Variants in CDK3 observed in about 807,000 individuals in gnomAD.
CDK3 encodes cyclin dependent kinase 3.
CDK3 carries 24 observed loss-of-function variants against 30.2 expected under a neutral mutation model. The ratio of observed to expected loss-of-function variants is 0.79; its 90% CI spans 0.57 to 1.12. The LOEUF (loss-of-function observed/expected upper bound fraction) is 1.12, where lower values mean the gene tolerates loss of function less well. Among genes scored for constraint, CDK3 ranks in the 50% most tolerant of loss-of-function variants. The probability of loss-of-function intolerance (pLI) is 0.00; values close to 1 mark genes in which losing one functional copy is unlikely to be tolerated. For missense variants in CDK3, 345 were observed against 376.0 expected, an observed-to-expected ratio of 0.92 and a Z score of 0.68; for synonymous variants, 158 against 154.2, an observed-to-expected ratio of 1.02 and a Z score of -0.18.
chr17:76,003,396 A>G lies in CDK3; in HGVS notation c.790A>G (p.Met264Val), dbSNP rs1567902526. The G allele has an allele frequency of 3.7e-6, 6 of 1,612,070 alleles. No individual in the cohort carries two copies. Among genetic ancestry groups the G allele is most frequent in the Non-Finnish European group, 5.1e-6 (6 of 1,179,090 alleles). Residue 264 changes from methionine (M) to valine (V), a missense_variant and splice_region_variant, in exon 7 of 8, where the codon ATG becomes GTG. Met to Val is a conservative substitution (Grantham distance 21). Transcript: ENST00000448471. ...GGAGCCAGAGGGCAGGGACCTGCTC[A>G]TGGTAGGTGCATGTGGGCTCCAGCT... ...NLEPEGRDLLMQLLQYDPSQR... is the reference protein window; with the variant it reads ...NLEPEGRDLLVQLLQYDPSQR...
rs1210671984 is a variant in CDK3, at chr17:76,005,371, C to T, written c.866C>T (p.Pro289Leu). 3.1e-6 allele frequency: 5 copies of T among 1,614,178 alleles called. No individual in the cohort carries two copies. The highest frequency in any genetic ancestry group is 4.2e-6 in the Non-Finnish European group (5 of 1,180,008). The change falls in exon 8 of 8, where the codon CCT becomes CTT. Residue 289 changes from proline (P) to leucine (L), a missense_variant. Transcript: ENST00000448471. The surrounding 1 kb of genome is among the most constrained non-coding windows in gnomAD (Gnocchi z 4.7). ...CTGGCCCACCCGTACTTCTCATCCCCTGAGCCCTCCCCAGCTGCCCGCCAG... is the reference window on the plus strand; with the variant it reads ...CTGGCCCACCCGTACTTCTCATCCCTTGAGCCCTCCCCAGCTGCCCGCCAG... ...TALAHPYFSS[P>L]EPSPAARQYV...
In CDK3 at chr17:76,002,300, T is replaced by G; in HGVS notation, c.368T>G (p.Val123Gly). Residue 123 changes from valine to glycine, a missense_variant, in exon 5 of 8, where the codon GTC (valine) becomes GGC (glycine). Physicochemically the swap from Val to Gly is moderately radical, Grantham distance 109. Transcript: ENST00000448471. This position sits in a 1 kb window ranked among gnomAD's most constrained non-coding sequence, Gnocchi z 4.3. The part of the protein sequence containing the change: ...QGVSFCHSHR[V>G]IHRDLKPQNL... Reference sequence around the variant, plus strand: ...GTGAGTTTCTGCCACTCACATCGGGTCATCCACCGAGACCTGAAGCCCCAG... The same window carrying G: ...GTGAGTTTCTGCCACTCACATCGGGGCATCCACCGAGACCTGAAGCCCCAG... 1 of 1,608,762 alleles carries G rather than the reference T, an allele frequency of 6.2e-7. No individual in the cohort carries two copies. The highest frequency in any genetic ancestry group is 8.5e-7 in the Non-Finnish European group (1 of 1,178,826).
chr17:76,001,787 G>A lies in CDK3; in HGVS notation c.117-87G>A. The A allele has an allele frequency of 7.8e-7, 1 of 1,278,698 alleles. No individual in the cohort carries two copies. Among genetic ancestry groups the A allele is most frequent in the East Asian group, 2.5e-5 (1 of 39,952 alleles). 79.2% of individuals were successfully genotyped at this position (1,278,698 alleles called of 1,614,324 possible). ...ATTGCCGGGGCCCTGGTCATTCTGT[G>A]GGGTTAAGGAGAAGCCGATCCCCCT... On this transcript the variant is annotated intron_variant, in intron 2 of 7. Coordinates refer to ENST00000448471, the MANE Select transcript of CDK3 (RefSeq NM_001258.4). This position sits in a 1 kb window ranked among gnomAD's most constrained non-coding sequence, Gnocchi z 6.2.
chr17:76,005,264 C>T lies in CDK3; in HGVS notation c.793-34C>T, dbSNP rs1173623961. The T allele has an allele frequency of 6.2e-7, 1 of 1,609,286 alleles. No homozygotes were observed. Among genetic ancestry groups the T allele is most frequent in the Non-Finnish European group, 8.5e-7 (1 of 1,177,126 alleles). ...AATTTCTCACCCCACCCTGGCTGCACCCAGACCACATCTTCTTCCTTCTTT... is the reference window on the plus strand; with the variant it reads ...AATTTCTCACCCCACCCTGGCTGCATCCAGACCACATCTTCTTCCTTCTTT... On this transcript the variant is annotated intron_variant, in intron 7 of 7. Transcript: ENST00000448471. The surrounding 1 kb of genome is among the most constrained non-coding windows in gnomAD (Gnocchi z 4.7).
At chr17:76,003,430 GACT>G in intron 7 of CDK3, 32 bp downstream of exon 7, 2 of 1,574,332 alleles carry the variant, frequency 1.3e-6, no homozygotes, top group Non-Finnish European at 1.7e-6. Context: ...CTGCTGCTCC[GACT>G]ACAGTTTCCC....
chr17:76,003,011 A>AC, intron 6 of CDK3, 184 bp from the exon 7 acceptor site: 1 of 651,176 alleles, frequency 1.5e-6, no homozygotes. Context: ...TTTTAAAAAA[A>AC]GGTGTTTGGT....
Position 76,003,093 on chromosome 17 carries a change from G to A in CDK3, c.589-102G>A, listed in dbSNP as rs2066276484. 3.3e-6 allele frequency: 3 copies of A among 910,592 alleles called. No individual in the cohort carries two copies. In the East Asian group the frequency reaches 7.2e-5, roughly 22 times the overall value. The allele number at this position is 910,592 out of a possible 1,614,324, so 56.4% of individuals were successfully genotyped here. A position where few individuals can be genotyped will look rare whatever the true frequency, so the allele number is the denominator to read the frequency against. ...GAATTCTTTGCACAGTCATGGAAAA[G>A]ATATCTTGACAGGCCTCTCCCTGGG... On this transcript the variant is annotated intron_variant, in intron 6 of 7. Coordinates refer to ENST00000448471, the MANE Select transcript of CDK3 (RefSeq NM_001258.4).
chr17:76,001,521 G>A lies in CDK3; in HGVS notation c.96G>A (p.Leu32=), dbSNP rs770899084. 1.2e-6 allele frequency: 2 copies of A among 1,613,248 alleles called. No homozygotes were observed. Among genetic ancestry groups the A allele is most frequent in the Non-Finnish European group, 1.7e-6 (2 of 1,179,894 alleles). ...KNRETGQLVA[L]KKIRLDLEME... is the part of the protein sequence containing the mutation. ...GGGAGACAGGGCAGCTGGTGGCCCT[G>A]AAGAAGATCAGACTGGATTTGTGAG... Residue 32 remains leucine (L), a synonymous_variant, in exon 2 of 8, where the codon CTG becomes CTA. Coordinates refer to ENST00000448471, the MANE Select transcript of CDK3 (RefSeq NM_001258.4). This position sits in a 1 kb window ranked among gnomAD's most constrained non-coding sequence, Gnocchi z 6.2.
At position 76,001,467 on chromosome 17, in the gene CDK3, C is replaced by G. The variant is rs755248959; in HGVS notation, c.42C>G (p.Thr14=). The stretch of plus-strand genomic sequence containing the variant: ...AGGTAGAGAAGATCGGAGAGGGCAC[C>G]TATGGGGTGGTGTACAAGGCCAAGA... ...FQKVEKIGEG[T]YGVVYKAKNR... The change falls in exon 2 of 8, where the codon ACC becomes ACG. Residue 14 remains threonine (T), a synonymous_variant. Coordinates refer to ENST00000448471, the MANE Select transcript of CDK3 (RefSeq NM_001258.4). This position sits in a 1 kb window ranked among gnomAD's most constrained non-coding sequence, Gnocchi z 6.2. 89 of 1,614,050 alleles carry G rather than the reference C, an allele frequency of 5.5e-5. No homozygotes were observed. In the East Asian group the frequency reaches 1.4e-3, roughly 25 times the overall value.
In CDK3 at chr17:76,005,739, GCCCTGCCT is replaced by G; in HGVS notation, c.*317_*324del. ...GGTGTGGGTATTCAGGCCCTCACCT[GCCCTGCCT>G]GCAGGGCCAGACCCTGAGGAAAGGG... On this transcript the variant is annotated 3_prime_UTR_variant, in exon 8 of 8. Transcript: ENST00000448471. This position sits in a 1 kb window ranked among gnomAD's most constrained non-coding sequence, Gnocchi z 4.7. The G allele has an allele frequency of 3.6e-6, 1 of 276,328 alleles. No individual in the cohort carries two copies. Among genetic ancestry groups the G allele is most frequent in the Non-Finnish European group, 6.8e-6 (1 of 146,030 alleles). The allele number at this position is 276,328 out of a possible 1,614,324, so 17.1% of individuals were successfully genotyped here.
Position 76,002,257 on chromosome 17 carries a change from T to C in CDK3, c.325T>C (p.Phe109Leu). 5.0e-6 allele frequency: 8 copies of C among 1,612,024 alleles called. No homozygotes were observed. Among genetic ancestry groups the C allele is most frequent in the Non-Finnish European group, 5.9e-6 (7 of 1,179,926 alleles). The change falls in exon 5 of 8, where the codon TTC becomes CTC. Residue 109 changes from phenylalanine to leucine, a missense_variant. By Grantham distance (22) the Phe-to-Leu change is conservative. Coordinates refer to ENST00000448471, the MANE Select transcript of CDK3 (RefSeq NM_001258.4). The surrounding 1 kb of genome is among the most constrained non-coding windows in gnomAD (Gnocchi z 4.3). ...LPLHLIKSYL[F>L]QLLQGVSFCH... ...GCGCTCGTTTCTCCAGAGCTACCTC[T>C]TCCAGCTGCTGCAGGGGGTGAGTTT...
chr17:76,003,708 G>A (rs1345190983), intron 7 of CDK3, among the ~76,000 whole-genome samples: 1 of 152,110 alleles, frequency 6.6e-6, no homozygotes, highest in Non-Finnish European at 1.5e-5. Flanking sequence ...CTCCATCTAA[G>A]CTGTATGCCT....
Position 76,002,076 on chromosome 17 carries a change from C to T in CDK3, c.249C>T (p.Leu83=). 1 of 1,614,050 alleles carries T rather than the reference C, an allele frequency of 6.2e-7. No homozygotes were observed. Among genetic ancestry groups the T allele is most frequent in the East Asian group, 2.2e-5 (1 of 44,872 alleles). The change falls in exon 4 of 8, where the codon CTC becomes CTT. Residue 83 remains leucine, a synonymous_variant. Coordinates refer to ENST00000448471, the MANE Select transcript of CDK3 (RefSeq NM_001258.4). The surrounding 1 kb of genome is among the most constrained non-coding windows in gnomAD (Gnocchi z 4.3). ...ERKLYLVFEF[L]SQDLKKYMDS... ...AGCTCTATCTGGTGTTTGAGTTCCTCAGCCAGGACCTGAAGAAGTACATGG... is the reference window on the plus strand; with the variant it reads ...AGCTCTATCTGGTGTTTGAGTTCCTTAGCCAGGACCTGAAGAAGTACATGG...
chr17:76,003,127 C>G, intron 6 of CDK3, 68 bp from the exon 7 acceptor site: 2 of 1,359,684 alleles, frequency 1.5e-6, no homozygotes, highest in Non-Finnish European at 2.1e-6. Context: ...GGTCTGGCCA[C>G]TTATCTGGTA....
Position 76,001,810 on chromosome 17 carries a change from C to T in CDK3, c.117-64C>T. On this transcript the variant is annotated intron_variant, in intron 2 of 7. Coordinates refer to ENST00000448471, the MANE Select transcript of CDK3 (RefSeq NM_001258.4). The surrounding 1 kb of genome is among the most constrained non-coding windows in gnomAD (Gnocchi z 6.2). ...GTGGGGTTAAGGAGAAGCCGATCCCCCTGGCTGGAAGTGCCCTTCTTGGCC... is the reference window on the plus strand; with the variant it reads ...GTGGGGTTAAGGAGAAGCCGATCCCTCTGGCTGGAAGTGCCCTTCTTGGCC... 1 of 1,492,016 alleles carries T rather than the reference C, an allele frequency of 6.7e-7. No individual in the cohort carries two copies. Among genetic ancestry groups the T allele is most frequent in the Non-Finnish European group, 9.2e-7 (1 of 1,087,640 alleles). The allele number at this position is 1,492,016 out of a possible 1,614,324, so 92.4% of individuals were successfully genotyped here.
At position 76,000,860 on chromosome 17, in the gene CDK3, C is replaced by T. The variant is rs1218953764; in HGVS notation, c.-122C>T. On this transcript the variant is annotated 5_prime_UTR_variant, in exon 1 of 8. Coordinates refer to ENST00000448471, the MANE Select transcript of CDK3 (RefSeq NM_001258.4). This position sits in a 1 kb window ranked among gnomAD's most constrained non-coding sequence, Gnocchi z 5.9. ...AAGACAGGACTGTGGCTTTAAGACCCTCCTGACCCCTGACCTCTGCCCCCA... is the reference window on the plus strand; with the variant it reads ...AAGACAGGACTGTGGCTTTAAGACCTTCCTGACCCCTGACCTCTGCCCCCA... 4 of 1,035,256 alleles carry T rather than the reference C, an allele frequency of 3.9e-6. No individual in the cohort carries two copies. In the Admixed American group the frequency reaches 1.5e-4, roughly 40 times the overall value. The allele number at this position is 1,035,256 out of a possible 1,614,324, so 64.1% of individuals were successfully genotyped here.
rs765170684 is a variant in CDK3 at position 76,001,415 on chromosome 17, G to T, written c.-11G>T. 4.3e-6 allele frequency: 7 copies of T among 1,613,934 alleles called. No individual in the cohort carries two copies. The African/African-American group carries it at 6.7e-5, about 15-fold the overall frequency. The stretch of plus-strand genomic sequence containing the variant: ...CCCGGTGCCTTCTGTTTCCCAGGCA[G>T]CTCTGTGGCCATGGATATGTTCCAG... On this transcript the variant is annotated 5_prime_UTR_variant, in exon 2 of 8. Transcript: ENST00000448471. This position sits in a 1 kb window ranked among gnomAD's most constrained non-coding sequence, Gnocchi z 6.2.
Position 76,001,209 on chromosome 17 carries a change from G to A in CDK3, c.-14-203G>A. 4 of 1,422,656 alleles carry A rather than the reference G, an allele frequency of 2.8e-6. No individual in the cohort carries two copies. The highest frequency in any genetic ancestry group is 2.8e-6 in the Non-Finnish European group (3 of 1,086,104). 88.1% of individuals were successfully genotyped at this position (1,422,656 alleles called of 1,614,324 possible). ...GCCCCCTGACCCCCTTGGGGTCCGG[G>A]CTGGGCTGGGTGAGGGGCGGTTTCC... On this transcript the variant is annotated intron_variant, in intron 1 of 7. Transcript: ENST00000448471. This position sits in a 1 kb window ranked among gnomAD's most constrained non-coding sequence, Gnocchi z 6.2.
At position 76,001,662 on chromosome 17, in the gene CDK3, C is replaced by T; in HGVS notation, c.116+121C>T. 1 of 922,554 alleles carries T rather than the reference C, an allele frequency of 1.1e-6. No homozygotes were observed. Among genetic ancestry groups the T allele is most frequent in the Non-Finnish European group, 1.7e-6 (1 of 605,090 alleles). The allele number at this position is 922,554 out of a possible 1,614,324, so 57.1% of individuals were successfully genotyped here. The stretch of plus-strand genomic sequence containing the variant: ...CTCCTCTGGGTGCTGCCCAGCAGCC[C>T]TTACCTGTCCTCTCCCCAGTTCACT... On this transcript the variant is annotated intron_variant, in intron 2 of 7. Coordinates refer to ENST00000448471, the MANE Select transcript of CDK3 (RefSeq NM_001258.4). This position sits in a 1 kb window ranked among gnomAD's most constrained non-coding sequence, Gnocchi z 6.2.
Sources: gnomAD v4.1 joint callset for allele counts (sites outside exome capture counted in the v4.1 genomes callset) on GRCh38, gnomAD v4.1.1 for gene constraint, Gnocchi (gnomAD v3.1) non-coding constraint, MANE v1.5 for transcripts, NCBI Gene and HGNC (gene_info 2026-07-23, HGNC 2026-07-21) for gene names.